Variants in NEIL3 observed in about 807,000 individuals in gnomAD.
The protein encoded by NEIL3 is endonuclease 8-like 3.
In NEIL3, 48 loss-of-function variants were observed where a neutral mutation model predicts 57.5. That is an observed-to-expected ratio of 0.83 (90% CI 0.66 to 1.06). The LOEUF is 1.06. Among genes scored for constraint, NEIL3 ranks in the 50% least tolerant of loss-of-function variants. NEIL3 has a pLI of 0.00. For synonymous variants in NEIL3, 261 were observed against 253.2 expected (o/e 1.03, Z -0.29); for missense variants, 717 against 739.1 (o/e 0.97, Z 0.35).
intron 1 of NEIL3, among the ~76,000 whole-genome samples, chr4:177,319,757 G>A (rs1050354589): frequency 1.3e-5 from 2 of 152,044 alleles, no homozygotes; most frequent in Admixed American, 6.5e-5. Context: ...AGCAGGGAAC[G>A]CTACTATATA....
chr4:177,342,158 G>A (rs2110914004), intron 6 of NEIL3, among the ~76,000 whole-genome samples: 1 of 152,320 alleles, frequency 6.6e-6, no homozygotes, highest in Middle Eastern at 3.4e-3. Context: ...GACTTACTGT[G>A]AGAAGTATTT....
intron 1 of NEIL3, among the ~76,000 whole-genome samples, chr4:177,314,570 C>T (rs1382054407): frequency 6.6e-6 from 1 of 152,126 alleles, no homozygotes; most frequent in East Asian, 1.9e-4. Context: ...GAGGAACACC[C>T]TATTTTTATG....
chr4:177,312,932 A>G (rs1416244306), intron 1 of NEIL3, among the ~76,000 whole-genome samples: 3 of 152,186 alleles, frequency 2.0e-5, no homozygotes, highest in African/African-American at 7.2e-5. Context: ...AGGGATCCAT[A>G]GTAAATTTCA....
At chr4:177,315,664 C>T (rs910573079) in intron 1 of NEIL3, among the ~76,000 whole-genome samples, 1 of 152,140 alleles carries the variant, frequency 6.6e-6, no homozygotes, top group Non-Finnish European at 1.5e-5. Context: ...AAAAACCTTG[C>T]CCAGTTTGTA....
chr4:177,313,182 G>A (rs938769607), intron 1 of NEIL3, among the ~76,000 whole-genome samples: 1 of 152,152 alleles, frequency 6.6e-6, no homozygotes, highest in African/African-American at 2.4e-5. Flanking sequence ...AATATTTAAT[G>A]GGCATTCAAA....
intron 6 of NEIL3, among the ~76,000 whole-genome samples, chr4:177,348,444 TCTC>T (rs1423266307): frequency 2.6e-5 from 4 of 152,116 alleles, no homozygotes; most frequent in Middle Eastern, 3.4e-3. Context: ...TTCAGGTCCT[TCTC>T]CTCAAGCCTC....
intron 1 of NEIL3, 58 bp from the exon 2 acceptor site, chr4:177,322,401 C>CT: frequency 6.2e-7 from 1 of 1,602,716 alleles, no homozygotes. Context: ...TTAAATAATG[C>CT]TTTTGCTTAG....
chr4:177,315,241 TTGTC>T (rs1441876066), intron 1 of NEIL3, among the ~76,000 whole-genome samples: 1 of 152,172 alleles, frequency 6.6e-6, no homozygotes, highest in African/African-American at 2.4e-5. Flanking sequence ...TCTAAAAAGT[TTGTC>T]TTTCTTGTCC....
At chr4:177,348,928 C>CGT (rs1004268268) in intron 6 of NEIL3, among the ~76,000 whole-genome samples, 8 of 125,366 alleles carry the variant, frequency 6.4e-5, no homozygotes, top group Non-Finnish European at 1.1e-4. Context: ...AGTGCAGTGG[C>CGT]GTGATCTGGG....
At chr4:177,354,890 G>A (rs772531640) in intron 8 of NEIL3, among the ~76,000 whole-genome samples, 4 of 152,090 alleles carry the variant, frequency 2.6e-5, no homozygotes, top group Non-Finnish European at 5.9e-5. Flanking sequence ...TATTTTATAG[G>A]ACTTCCAGCT....
At chr4:177,357,764 TAAC>T (rs1462901059) in intron 8 of NEIL3, among the ~76,000 whole-genome samples, 1 of 152,176 alleles carries the variant, frequency 6.6e-6, no homozygotes, top group African/African-American at 2.4e-5. Flanking sequence ...CTTTTTGTGA[TAAC>T]AAACTTAGAC....
chr4:177,310,075 G>C lies in NEIL3; in HGVS notation c.122G>C (p.Arg41Pro), dbSNP rs1213192574. The change falls in exon 1 of 10, where the codon CGG becomes CCG. Residue 41 changes from arginine to proline, a missense_variant. Transcript: ENST00000264596. ...CGGAGTCTGCAGGGCCGCGCCTTGC[G>C]GCTCGCAGCCTCCACGGTTGTGGTC... ...ALRSLQGRAL[R>P]LAASTVVVSP... 2 of 1,597,698 alleles carry C rather than the reference G, an allele frequency of 1.3e-6. No homozygotes were observed. Among genetic ancestry groups the C allele is most frequent in the Non-Finnish European group, 8.5e-7 (1 of 1,173,400 alleles).
intron 1 of NEIL3, among the ~76,000 whole-genome samples, chr4:177,318,743 T>G (rs911207667): frequency 1.5e-4 from 23 of 152,194 alleles, no homozygotes; most frequent in African/African-American, 5.1e-4. Context: ...GCTCTCTCCT[T>G]TTCATCTCCA....
At chr4:177,357,646 T>C (rs1735501576) in intron 8 of NEIL3, among the ~76,000 whole-genome samples, 1 of 152,244 alleles carries the variant, frequency 6.6e-6, no homozygotes. Flanking sequence ...TTGTTCTTGA[T>C]TCTAATGACA....
chr4:177,318,053 T>G (rs954607602), intron 1 of NEIL3, among the ~76,000 whole-genome samples: 1 of 152,236 alleles, frequency 6.6e-6, no homozygotes, highest in Non-Finnish European at 1.5e-5. Context: ...GAGGGACGTT[T>G]CAGCCGTTCT....
In NEIL3 at chr4:177,336,267, G is replaced by A; in HGVS notation, c.573G>A (p.Gly191=). 6.2e-7 allele frequency: 1 copy of A among 1,614,206 alleles called. No individual in the cohort carries two copies. Among genetic ancestry groups the A allele is most frequent in the Non-Finnish European group, 8.5e-7 (1 of 1,180,042 alleles). The change falls in exon 4 of 10, where the codon GGG becomes GGA. Residue 191 remains glycine (G), a synonymous_variant. Transcript: ENST00000264596. ...LMDQNVLPGV[G]NIIKNEALFD... ...ATCAGAACGTATTGCCTGGAGTAGG[G>A]AACATCATCAAAAATGAAGCTCTCT...
At chr4:177,334,889 A>C (rs1029277536) in intron 2 of NEIL3, among the ~76,000 whole-genome samples, 4 of 152,226 alleles carry the variant, frequency 2.6e-5, no homozygotes, top group South Asian at 4.1e-4. Context: ...GATCTTCATC[A>C]TCAGAGGTCT....
Position 177,362,496 on chromosome 4 carries a change from G to A in NEIL3, c.*25G>A. The A allele has an allele frequency of 6.4e-7, 1 of 1,570,102 alleles. No individual in the cohort carries two copies. The highest frequency in any genetic ancestry group is 8.7e-7 in the Non-Finnish European group (1 of 1,148,954). On this transcript the variant is annotated 3_prime_UTR_variant, in exon 10 of 10. Coordinates refer to ENST00000264596, the MANE Select transcript of NEIL3 (RefSeq NM_018248.3). ...ATATCTGTAGATTCTCTGGCATTTA[G>A]TCTCTTCAAACTGTGTATAATGTTT... is the stretch of plus-strand genomic sequence containing the variant.
At chr4:177,324,000 A>G (rs1734734748) in intron 2 of NEIL3, among the ~76,000 whole-genome samples, 1 of 152,182 alleles carries the variant, frequency 6.6e-6, no homozygotes, top group Non-Finnish European at 1.5e-5. Context: ...TCCTGCAGCC[A>G]TAACAACTAT....
Sources: allele counts gnomAD v4.1 joint callset (sites outside exome capture counted in the v4.1 genomes callset), GRCh38; gene constraint gnomAD v4.1.1; transcripts MANE v1.5; gene names NCBI Gene and HGNC (gene_info 2026-07-23, HGNC 2026-07-21).